NSFL1C: variants seen among roughly 807,000 people sequenced by gnomAD.
NSFL1C encodes the protein NSFL1 cofactor, also known as NSFL1 cofactor p47.
Under a neutral mutation model 43.1 loss-of-function variants are expected in NSFL1C, and 14 were observed. The ratio of observed to expected loss-of-function variants is 0.32; its 90% confidence interval spans 0.21 to 0.51. The LOEUF (loss-of-function observed/expected upper bound fraction) is 0.51, where lower values mean the gene tolerates loss of function less well. NSFL1C is among the 20% of genes least tolerant of loss of function. The pLI is 0.98. For synonymous variants in NSFL1C, 171 were observed against 183.5 expected (o/e 0.93, Z 0.55); for missense variants, 406 against 472.5 (o/e 0.86, Z 1.30).
At chr20:1,448,067 C>T (rs574676037) in intron 7 of NSFL1C, among the ~76,000 whole-genome samples, 44 of 152,284 alleles carry the variant, frequency 2.9e-4, no homozygotes, top group Non-Finnish European at 4.6e-4. Flanking sequence ...AATGCTTTCT[C>T]AAACTTCTCC....
At chr20:1,446,180 G>A in intron 7 of NSFL1C, 2 of 399,686 alleles carry the variant, frequency 5.0e-6, no homozygotes, top group South Asian at 4.0e-5. Context: ...TCATAAGGCT[G>A]GAAGACATAA....
At chr20:1,453,837 T>TA (rs891685215) in intron 5 of NSFL1C, among the ~76,000 whole-genome samples, 9 of 150,284 alleles carry the variant, frequency 6.0e-5, no homozygotes, top group Admixed American at 1.3e-4. Context: ...TGAGGAAAAC[T>TA]AAAAAAAAAG....
At chr20:1,458,049 G>A (rs2090337720) in intron 3 of NSFL1C, 151 bp downstream of exon 3, 1 of 642,520 alleles carries the variant, frequency 1.6e-6, no homozygotes, top group Non-Finnish European at 2.8e-6. Flanking sequence ...GAGTAGAAGA[G>A]ACTTCCTAAG....
At chr20:1,447,776 A>G (rs1414708486) in intron 7 of NSFL1C, among the ~76,000 whole-genome samples, 1 of 146,308 alleles carries the variant, frequency 6.8e-6, no homozygotes, top group East Asian at 2.0e-4. Flanking sequence ...GGGGGTGGGG[A>G]GCAGAAAAAA....
chr20:1,458,006 G>A (rs930145996), intron 3 of NSFL1C, 194 bp downstream of exon 3: 8 of 466,844 alleles, frequency 1.7e-5, no homozygotes, highest in African/African-American at 1.0e-4. Context: ...AATACATTAA[G>A]TAACGGAACA....
At position 1,452,332 on chromosome 20, in the gene NSFL1C, C is replaced by G. The variant is rs142429603; in HGVS notation, c.785+161G>C. ...AGAGATATAAACTCAGGTCTGTTAA[C>G]TCCAGTCCATGTTCTCCACACTCTT... On this transcript the variant is annotated intron_variant, in intron 7 of 8. Coordinates refer to ENST00000216879, the MANE Select transcript of NSFL1C (RefSeq NM_016143.5). Among the ~76,000 whole-genome samples, 138 of 152,188 alleles carry G rather than the reference C, an allele frequency of 9.1e-4. 1 individual carries two copies. The East Asian group carries it at 0.01, about 11-fold the overall frequency.
At chr20:1,453,830 G>C (rs1486532662) in intron 5 of NSFL1C, among the ~76,000 whole-genome samples, 3 of 151,856 alleles carry the variant, frequency 2.0e-5, no homozygotes, top group Admixed American at 6.6e-5. Context: ...TGGACAATGA[G>C]GAAAACTAAA....
rs142383553 is a variant in NSFL1C, at chr20:1,449,836, C to T, written c.785+2657G>A. Among the ~76,000 whole-genome samples, 654 of 152,276 alleles carry T rather than the reference C, an allele frequency of 4.3e-3. 2 individuals carry two copies. The highest frequency in any genetic ancestry group is 7.4e-3 in the Admixed American group (113 of 15,300). ...GCCATCTTCTCCACAAAAATAACCA[C>T]TACAGAAGGCACGGGAGCAGCTAAA... On this transcript the variant is annotated intron_variant, in intron 7 of 8. Coordinates refer to ENST00000216879, the MANE Select transcript of NSFL1C (RefSeq NM_016143.5).
At position 1,455,979 on chromosome 20, in the gene NSFL1C, T is replaced by G. The variant is rs1039120626; in HGVS notation, c.279-847A>C. 54 of 532,540 alleles carry G rather than the reference T, an allele frequency of 1.0e-4. 1 individual carries two copies. Among genetic ancestry groups the G allele is most frequent in the Middle Eastern group, 5.2e-4 (1 of 1,928 alleles). The allele number at this position is 532,540 out of a possible 1,614,324, so 33.0% of individuals were successfully genotyped here. A position where few individuals can be genotyped will look rare whatever the true frequency, so the allele number is the denominator to read the frequency against. ...CAGGCATGGCTTGAGATAATAAAGT[T>G]AGTACTTTTTTATATGGGCCTGAAA... On this transcript the variant is annotated intron_variant, in intron 3 of 8. Transcript: ENST00000216879.
chr20:1,460,763 G>A (rs2090393019), intron 2 of NSFL1C, among the ~76,000 whole-genome samples: 1 of 152,168 alleles, frequency 6.6e-6, no homozygotes, highest in South Asian at 2.1e-4. Context: ...AACAATGTTT[G>A]TTTAATTTCA....
chr20:1,465,519 GCTTCCCAT>G (rs1279230071), intron 1 of NSFL1C, among the ~76,000 whole-genome samples: 1 of 152,176 alleles, frequency 6.6e-6, no homozygotes, highest in Non-Finnish European at 1.5e-5. Flanking sequence ...CAGCATAGGG[GCTTCCCAT>G]TGTGTCTAGG....
intron 6 of NSFL1C, 115 bp from the exon 7 acceptor site, chr20:1,452,745 A>G (rs772891094): frequency 4.7e-4 from 623 of 1,327,758 alleles, no homozygotes; most frequent in Non-Finnish European, 6.2e-4. Flanking sequence ...GGGCCTCCAA[A>G]GGGAGCAGGC....
At chr20:1,460,645 C>T (rs2090390791) in intron 2 of NSFL1C, among the ~76,000 whole-genome samples, 1 of 152,230 alleles carries the variant, frequency 6.6e-6, no homozygotes, top group South Asian at 2.1e-4. Flanking sequence ...GTTACCCTAG[C>T]TCTGCCTCTC....
chr20:1,464,449 T>C (rs1444430355), intron 1 of NSFL1C, 23 bp from the exon 2 acceptor site: 1 of 1,605,098 alleles, frequency 6.2e-7, no homozygotes, highest in African/African-American at 1.3e-5. Context: ...GGTAGTACCT[T>C]GGGACCCTTA....
chr20:1,447,229 A>G (rs1401423639), intron 7 of NSFL1C, among the ~76,000 whole-genome samples: 2 of 152,182 alleles, frequency 1.3e-5, no homozygotes, highest in African/African-American at 2.4e-5. Context: ...GGGCTGGGAC[A>G]CACAGTTTAA....
chr20:1,445,535 G>C, intron 8 of NSFL1C, 131 bp downstream of exon 8: 2 of 1,028,218 alleles, frequency 1.9e-6, no homozygotes, highest in Non-Finnish European at 2.9e-6. Context: ...TACCACCCTC[G>C]TGTCTGCTTT....
intron 7 of NSFL1C, among the ~76,000 whole-genome samples, chr20:1,450,602 C>T (rs1386284949): frequency 6.6e-6 from 1 of 152,154 alleles, no homozygotes; most frequent in African/African-American, 2.4e-5. Flanking sequence ...TAAAATCATA[C>T]CCAAAGTGCA....
chr20:1,456,946 T>A (rs184363618), intron 3 of NSFL1C: 64 of 152,358 alleles, frequency 4.2e-4, no homozygotes, highest in Admixed American at 4.0e-3. Flanking sequence ...GTCTGAGATG[T>A]AGCATTGATC....
At chr20:1,461,780 C>G (rs1310202143) in intron 2 of NSFL1C, among the ~76,000 whole-genome samples, 1 of 152,170 alleles carries the variant, frequency 6.6e-6, no homozygotes, top group African/African-American at 2.4e-5. Flanking sequence ...TCAGTGCTAA[C>G]AGTACTAACA....
Sources: gnomAD v4.1 joint callset for allele counts (sites outside exome capture counted in the v4.1 genomes callset) on GRCh38, gnomAD v4.1.1 for gene constraint, MANE v1.5 for transcripts, NCBI Gene and HGNC (gene_info 2026-07-23, HGNC 2026-07-21) for gene names.